The following SH3GL3 variants were observed in gnomAD, a reference collection of about 807,000 sequenced individuals.
SH3GL3 encodes the protein endophilin-A3.
In SH3GL3, 33 loss-of-function variants were observed where a neutral mutation model predicts 47.7. The observed-to-expected ratio is 0.69, with a 90% CI of 0.52 to 0.92. SH3GL3 has a LOEUF of 0.92. Among genes scored for constraint, SH3GL3 ranks in the 40% least tolerant of loss-of-function variants. The probability of loss-of-function intolerance (pLI) is 0.00; values close to 1 mark genes in which losing one functional copy is unlikely to be tolerated. For missense variants in SH3GL3, 363 were observed against 417.8 expected, an observed-to-expected ratio of 0.87 and a Z score of 1.14; for synonymous variants, 155 against 148.8, an observed-to-expected ratio of 1.04 and a Z score of -0.30.
chr15:83,586,244 C>G (rs1466839931), intron 6 of SH3GL3, among the ~76,000 whole-genome samples: 2 of 152,152 alleles, frequency 1.3e-5, no homozygotes, highest in African/African-American at 4.8e-5. Context: ...GCTCTCAGGC[C>G]TTCCTTAGAT....
chr15:83,586,324 T>G (rs2059954254), intron 6 of SH3GL3, among the ~76,000 whole-genome samples: 1 of 152,138 alleles, frequency 6.6e-6, no homozygotes, highest in African/African-American at 2.4e-5. Context: ...TCTAAAAAAT[T>G]CATTGTAAGT....
At chr15:83,574,029 G>A (rs899271012) in intron 5 of SH3GL3, among the ~76,000 whole-genome samples, 1 of 152,190 alleles carries the variant, frequency 6.6e-6, no homozygotes, top group Non-Finnish European at 1.5e-5. Context: ...TGCAGACTGG[G>A]AGACTGGGGT....
At chr15:83,522,299 G>A (rs1181228682) in intron 1 of SH3GL3, among the ~76,000 whole-genome samples, 1 of 152,168 alleles carries the variant, frequency 6.6e-6, no homozygotes, top group East Asian at 1.9e-4. Flanking sequence ...CTTCGTTCAA[G>A]CAGATTATTT....
downstream of SH3GL3, among the ~76,000 whole-genome samples, chr15:83,623,133 T>G (rs998090471): frequency 6.6e-6 from 1 of 152,224 alleles, no homozygotes; most frequent in Non-Finnish European, 1.5e-5. Flanking sequence ...TGAGTCCAGA[T>G]AGAAGCTAGA....
At chr15:83,527,742 A>C (rs2043489494) in intron 1 of SH3GL3, among the ~76,000 whole-genome samples, 1 of 152,158 alleles carries the variant, frequency 6.6e-6, no homozygotes, top group Non-Finnish European at 1.5e-5. Flanking sequence ...ACTTATTGTC[A>C]TAATTTTGTT....
intron 8 of SH3GL3, among the ~76,000 whole-genome samples, chr15:83,607,840 AAATAATAAT>A (rs60113695): frequency 0.21 from 29,956 of 142,848 alleles, 3,522 homozygotes; most frequent in African/African-American, 0.3. Flanking sequence ...TCAGAGTGGC[AAATAATAAT>A]AATAATAATA....
At chr15:83,549,363 GA>G (rs1285964296) in intron 1 of SH3GL3, among the ~76,000 whole-genome samples, 4 of 152,162 alleles carry the variant, frequency 2.6e-5, no homozygotes, top group Non-Finnish European at 4.4e-5. Flanking sequence ...TTCCTCCAGA[GA>G]TTATCTAGTT....
intron 1 of SH3GL3, among the ~76,000 whole-genome samples, chr15:83,550,119 A>G (rs1461464928): frequency 6.6e-6 from 1 of 152,240 alleles, no homozygotes; most frequent in Admixed American, 6.5e-5. Flanking sequence ...AACAACTTAC[A>G]TATTACCTTT....
At position 83,504,315 on chromosome 15, in the gene SH3GL3, A is replaced by C. The variant is rs569979402; in HGVS notation, c.46-54938A>C. On this transcript the variant is annotated intron_variant, in intron 1 of 8. Transcript: ENST00000427482. ...TCCTTCCTGATACAATCTATGCCCAACTTTCTAGAAGAAGCCACAATTGTG... is the reference window on the plus strand; with the variant it reads ...TCCTTCCTGATACAATCTATGCCCACCTTTCTAGAAGAAGCCACAATTGTG... Among the ~76,000 whole-genome samples, 4 of 152,294 alleles carry C rather than the reference A, an allele frequency of 2.6e-5. 1 individual carries two copies. In the South Asian group the frequency reaches 8.3e-4, roughly 32 times the overall value.
chr15:83,620,086 T>G (rs552513666), downstream of SH3GL3, among the ~76,000 whole-genome samples: 1 of 152,326 alleles, frequency 6.6e-6, no homozygotes, highest in African/African-American at 2.4e-5. Context: ...CTATTCAAGC[T>G]TTTTTACGAG....
chr15:83,510,139 T>G (rs1284491799), intron 1 of SH3GL3, among the ~76,000 whole-genome samples: 4 of 152,134 alleles, frequency 2.6e-5, no homozygotes, highest in Non-Finnish European at 5.9e-5. Flanking sequence ...TCAATGCTTG[T>G]GCCATCATCA....
intron 8 of SH3GL3, among the ~76,000 whole-genome samples, chr15:83,606,124 C>G (rs947293627): frequency 6.6e-6 from 1 of 151,990 alleles, no homozygotes; most frequent in Non-Finnish European, 1.5e-5. Context: ...ATGCCCCAAA[C>G]TGGGACCTGC....
intron 6 of SH3GL3, among the ~76,000 whole-genome samples, chr15:83,576,990 A>C (rs2059700927): frequency 7.8e-6 from 1 of 127,776 alleles, no homozygotes; most frequent in Non-Finnish European, 1.6e-5. Flanking sequence ...GGCTCACTAC[A>C]ACCTCCGTCT....
chr15:83,500,945 C>T (rs530919667), intron 1 of SH3GL3, among the ~76,000 whole-genome samples: 2 of 152,310 alleles, frequency 1.3e-5, no homozygotes, highest in Admixed American at 1.3e-4. Context: ...AAGACAGGGG[C>T]TACGAAGGCC....
intron 1 of SH3GL3, among the ~76,000 whole-genome samples, chr15:83,557,677 CCATT>C (rs762698665): frequency 1.4e-4 from 22 of 152,284 alleles, no homozygotes; most frequent in Middle Eastern, 3.4e-3. Flanking sequence ...TTGTTTCTCT[CCATT>C]CAGTTAATTT....
intron 1 of SH3GL3, among the ~76,000 whole-genome samples, chr15:83,526,221 G>C (rs2043414338): frequency 6.6e-6 from 1 of 152,156 alleles, no homozygotes; most frequent in Admixed American, 6.5e-5. Context: ...TATACTGTTG[G>C]TGGAATTAGT....
intron 2 of SH3GL3, among the ~76,000 whole-genome samples, chr15:83,562,033 ACACAC>A (rs1566988991): frequency 4.0e-5 from 2 of 49,440 alleles, no homozygotes; most frequent in Non-Finnish European, 8.2e-5. Flanking sequence ...CACACACAAC[ACACAC>A]ACACACACAC....
chr15:83,560,060 C>T (rs1165638077), intron 2 of SH3GL3, among the ~76,000 whole-genome samples: 1 of 152,164 alleles, frequency 6.6e-6, no homozygotes, highest in Non-Finnish European at 1.5e-5. Flanking sequence ...TAACAACATA[C>T]TGTTTCTTTG....
At chr15:83,569,172 C>T (rs2151763402) in intron 4 of SH3GL3, among the ~76,000 whole-genome samples, 1 of 152,322 alleles carries the variant, frequency 6.6e-6, no homozygotes, top group Middle Eastern at 3.4e-3. Context: ...GCTGGGATTA[C>T]AGGAGTGAGC....
Sources: gnomAD v4.1 joint callset for allele counts (sites outside exome capture counted in the v4.1 genomes callset) on GRCh38, gnomAD v4.1.1 for gene constraint, MANE v1.5 for transcripts, NCBI Gene and HGNC (gene_info 2026-07-23, HGNC 2026-07-21) for gene names.